Variants in PRR11 observed in about 807,000 individuals in gnomAD.
The protein encoded by PRR11 is proline rich 11, also known as proline-rich protein 11.
A neutral mutation model predicts 45.6 loss-of-function variants in PRR11; 30 were observed. The ratio of observed to expected loss-of-function variants is 0.66; its 90% CI spans 0.49 to 0.89. The LOEUF (loss-of-function observed/expected upper bound fraction) is 0.89, where lower values mean the gene tolerates loss of function less well. Among genes scored for constraint, PRR11 ranks in the 40% least tolerant of loss-of-function variants. The pLI, the probability that PRR11 is intolerant of heterozygous loss-of-function variation, is 0.00. For missense variants in PRR11, 373 were observed against 424.8 expected, an observed-to-expected ratio of 0.88 and a Z score of 1.07; for synonymous variants, 128 against 153.5, an observed-to-expected ratio of 0.83 and a Z score of 1.23.
At position 59,201,560 on chromosome 17, in the gene PRR11, T is replaced by C. The variant is rs1007883479; in HGVS notation, c.1015-3T>C. On this transcript the variant is annotated splice_region_variant and splice_polypyrimidine_tract_variant and intron_variant, in intron 9 of 9. Transcript: ENST00000262293. ...TTATAATTGGGACTTTTTTTTTTTA[T>C]AGCTGGCTCACCCTAGAAGCCCAAC... 1.9e-6 allele frequency: 3 copies of C among 1,609,716 alleles called. No homozygotes were observed. The highest frequency in any genetic ancestry group is 1.1e-5 in the South Asian group (1 of 91,048).
chr17:59,179,876 G>A lies in PRR11; in HGVS notation c.129-5178G>A, dbSNP rs2046771445. 11 of 1,341,720 alleles carry A rather than the reference G, an allele frequency of 8.2e-6. No individual in the cohort carries two copies. The South Asian group carries it at 1.2e-4, about 14-fold the overall frequency. The allele number at this position is 1,341,720 out of a possible 1,614,324, so 83.1% of individuals were successfully genotyped here. A position where few individuals can be genotyped will look rare whatever the true frequency, so the allele number is the denominator to read the frequency against. ...ACACAGGGGGCTGGGATCTACCCCA[G>A]GGGCTGAGTAAAGAAACCAGGCCAC... On this transcript the variant is annotated intron_variant, in intron 2 of 9. Coordinates refer to ENST00000262293, the MANE Select transcript of PRR11 (RefSeq NM_018304.4).
intron 1 of PRR11, among the ~76,000 whole-genome samples, chr17:59,167,917 C>T (rs941743617): frequency 3.9e-5 from 6 of 152,154 alleles, no homozygotes; most frequent in Non-Finnish European, 8.8e-5. Context: ...GTGCCAACCT[C>T]CTATCTCATC....
At chr17:59,166,138 TG>T (rs1272322840) in intron 1 of PRR11, among the ~76,000 whole-genome samples, 1 of 152,112 alleles carries the variant, frequency 6.6e-6, no homozygotes, top group Non-Finnish European at 1.5e-5. Context: ...AACAGGGTAG[TG>T]GGGGTTCATC....
chr17:59,159,209 A>G (rs908998795), intron 1 of PRR11, among the ~76,000 whole-genome samples: 1 of 152,100 alleles, frequency 6.6e-6, no homozygotes, highest in African/African-American at 2.4e-5. Context: ...TGCCTTTTCT[A>G]GTTCTTTCTC....
intron 1 of PRR11, among the ~76,000 whole-genome samples, chr17:59,164,318 T>C (rs957915579): frequency 6.6e-6 from 1 of 152,204 alleles, no homozygotes; most frequent in South Asian, 2.1e-4. Flanking sequence ...GATTTTTTTA[T>C]CACCATTATC....
chr17:59,179,873 C>G lies in PRR11; in HGVS notation c.129-5181C>G, dbSNP rs530146885. On this transcript the variant is annotated intron_variant, in intron 2 of 9. Coordinates refer to ENST00000262293, the MANE Select transcript of PRR11 (RefSeq NM_018304.4). The stretch of plus-strand genomic sequence containing the variant: ...CCCACACAGGGGGCTGGGATCTACC[C>G]CAGGGGCTGAGTAAAGAAACCAGGC... The G allele has an allele frequency of 4.3e-5, 58 of 1,342,192 alleles. No individual in the cohort carries two copies. The South Asian group carries it at 6.5e-4, about 15-fold the overall frequency. 83.1% of individuals were successfully genotyped at this position (1,342,192 alleles called of 1,614,324 possible). A position where few individuals can be genotyped will look rare whatever the true frequency, so the allele number is the denominator to read the frequency against.
intron 9 of PRR11, among the ~76,000 whole-genome samples, chr17:59,201,288 C>T (rs1232559620): frequency 2.0e-5 from 3 of 152,184 alleles, no homozygotes; most frequent in Non-Finnish European, 4.4e-5. Flanking sequence ...TGGCTTTTAT[C>T]CTCTTAATAC....
intron 5 of PRR11, among the ~76,000 whole-genome samples, 190 bp downstream of exon 5, chr17:59,193,924 G>A (rs753483237): frequency 1.3e-5 from 2 of 152,182 alleles, no homozygotes; most frequent in Admixed American, 1.3e-4. Context: ...CTAGAAGCTG[G>A]ATTGAGAAAT....
At chr17:59,197,881 A>G in intron 9 of PRR11, 92 bp downstream of exon 9, 1 of 1,114,026 alleles carries the variant, frequency 9.0e-7, no homozygotes, top group Non-Finnish European at 1.3e-6. Context: ...ACACTTTGGG[A>G]GGCTGAGGTG....
chr17:59,189,380 C>A (rs1274299654), intron 4 of PRR11, among the ~76,000 whole-genome samples: 1 of 151,992 alleles, frequency 6.6e-6, no homozygotes, highest in African/African-American at 2.4e-5. Context: ...GTCGCCCAGG[C>A]TAAAGTGTAG....
In PRR11 at chr17:59,194,757, G is replaced by C. The variant is rs781296642; in HGVS notation, c.646G>C (p.Ala216Pro). ...TTCTAACCTTACCATGTATTTTAAGGCTGGACCATTAAAAAAAGATGGACC... is the reference window on the plus strand; with the variant it reads ...TTCTAACCTTACCATGTATTTTAAGCCTGGACCATTAAAAAAAGATGGACC... ...RKPSLAKALQAGPLKKDGPMQ... is the reference protein window; with the variant it reads ...RKPSLAKALQPGPLKKDGPMQ... The change falls in exon 6 of 10, where the codon GCT becomes CCT. Residue 216 changes from alanine to proline, a missense_variant and splice_region_variant. Coordinates refer to ENST00000262293, the MANE Select transcript of PRR11 (RefSeq NM_018304.4). 3.4e-5 allele frequency: 55 copies of C among 1,609,772 alleles called. No individual in the cohort carries two copies. The highest frequency in any genetic ancestry group is 4.5e-5 in the Non-Finnish European group (53 of 1,177,486).
At chr17:59,194,267 TCACACACA>T (rs57853873) in intron 5 of PRR11, among the ~76,000 whole-genome samples, 32 of 141,062 alleles carry the variant, frequency 2.3e-4, no homozygotes, top group African/African-American at 1.6e-4. Flanking sequence ...TTCCCAATCC[TCACACACA>T]CACACACACA....
intron 1 of PRR11, among the ~76,000 whole-genome samples, chr17:59,162,213 GACACACACACACAC>G (rs58983044): frequency 2.1e-4 from 30 of 139,584 alleles, no homozygotes; most frequent in Admixed American, 5.9e-4. Flanking sequence ...ACCCAAGTCA[GACACACACACACAC>G]ACACACACAC....
intron 4 of PRR11, among the ~76,000 whole-genome samples, chr17:59,188,977 C>T (rs2046827772): frequency 7.7e-6 from 1 of 129,222 alleles, no homozygotes; most frequent in African/African-American, 2.8e-5. Context: ...AATAATAATA[C>T]ATTATTAAAT....
intron 1 of PRR11, among the ~76,000 whole-genome samples, chr17:59,162,245 C>CAG (rs1217874059): frequency 6.8e-6 from 1 of 147,206 alleles, no homozygotes; most frequent in South Asian, 2.1e-4. Context: ...CACACACACA[C>CAG]ACACAGAGAG....
chr17:59,200,214 G>A (rs1051477072), intron 9 of PRR11, among the ~76,000 whole-genome samples: 1 of 152,144 alleles, frequency 6.6e-6, no homozygotes, highest in Non-Finnish European at 1.5e-5. Flanking sequence ...CAACCCTTAG[G>A]CTTCTTTTTT....
At chr17:59,180,947 A>G (rs2046781958) in intron 2 of PRR11, among the ~76,000 whole-genome samples, 1 of 151,684 alleles carries the variant, frequency 6.6e-6, no homozygotes, top group Non-Finnish European at 1.5e-5. Context: ...GATCTCAGGC[A>G]TCAGCCACAG....
intron 2 of PRR11, among the ~76,000 whole-genome samples, chr17:59,179,090 C>T (rs2046765801): frequency 6.6e-6 from 1 of 152,156 alleles, no homozygotes; most frequent in South Asian, 2.1e-4. Flanking sequence ...ACCTCGGCCT[C>T]CCGAGTTCAA....
intron 2 of PRR11, among the ~76,000 whole-genome samples, chr17:59,172,811 G>A (rs1482868258): frequency 2.6e-5 from 4 of 152,244 alleles, no homozygotes; most frequent in Admixed American, 2.0e-4. Context: ...TCCCTGCCAT[G>A]GTGGGCCCCT....
Sources: gnomAD v4.1 joint callset for allele counts (sites outside exome capture counted in the v4.1 genomes callset) on GRCh38, gnomAD v4.1.1 for gene constraint, MANE v1.5 for transcripts, NCBI Gene and HGNC (gene_info 2026-07-23, HGNC 2026-07-21) for gene names.